Variants in ADAMTS12 observed in about 807,000 individuals in gnomAD.
ADAMTS12 encodes the protein A disintegrin and metalloproteinase with thrombospondin motifs 12.
In ADAMTS12, 118 loss-of-function variants were observed where a neutral mutation model predicts 167.8. The ratio of observed to expected loss-of-function variants is 0.70; its 90% CI spans 0.61 to 0.82. The LOEUF is 0.82. Ranked by LOEUF, ADAMTS12 falls within the 40% of genes least tolerant of loss-of-function variation. The probability of loss-of-function intolerance (pLI) is 0.00; values close to 1 mark genes in which losing one functional copy is unlikely to be tolerated. For missense variants in ADAMTS12, 1,916 were observed against 1,998.8 expected, an observed-to-expected ratio of 0.96 and a Z score of 0.79; for synonymous variants, 704 against 716.9, an observed-to-expected ratio of 0.98 and a Z score of 0.29.
rs1740256688 is a variant in ADAMTS12, at chr5:33,637,639, C to T, written c.1826G>A (p.Ser609Asn). The change falls in exon 12 of 24, where the codon AGT (serine) becomes AAT (asparagine). Residue 609 changes from serine (S) to asparagine (N), a missense_variant. Transcript: ENST00000504830. The stretch of plus-strand genomic sequence containing the variant: ...CTTGTAGGGAACAGTGTCAAATTCA[C>T]TGCACTGCATCTGCCGAAATGTTGG... ...EAPTFRQMQC[S>N]EFDTVPYKNE... 6.2e-7 allele frequency: 1 copy of T among 1,613,636 alleles called. No individual in the cohort carries two copies. The highest frequency in any genetic ancestry group is 8.5e-7 in the Non-Finnish European group (1 of 1,179,734).
At chr5:33,729,472 G>A (rs765395417) in intron 3 of ADAMTS12, among the ~76,000 whole-genome samples, 3 of 152,172 alleles carry the variant, frequency 2.0e-5, no homozygotes, top group Non-Finnish European at 4.4e-5. Context: ...CCCAAATTAA[G>A]TCTCCTTCCC....
At chr5:33,888,945 T>G (rs1484895085) in intron 1 of ADAMTS12, among the ~76,000 whole-genome samples, 1 of 152,222 alleles carries the variant, frequency 6.6e-6, no homozygotes, top group African/African-American at 2.4e-5. Flanking sequence ...TGGATTTATC[T>G]CCATACTCCT....
intron 2 of ADAMTS12, among the ~76,000 whole-genome samples, chr5:33,777,462 A>T (rs936199663): frequency 1.4e-5 from 2 of 146,374 alleles, no homozygotes; most frequent in East Asian, 4.2e-4. Context: ...CAGAAAGAGC[A>T]TTTGAAAATA....
At chr5:33,766,672 AG>A (rs1745546761) in intron 2 of ADAMTS12, among the ~76,000 whole-genome samples, 1 of 152,220 alleles carries the variant, frequency 6.6e-6, no homozygotes, top group Non-Finnish European at 1.5e-5. Context: ...AAATTTTAAA[AG>A]TGTACTTTTA....
chr5:33,807,755 T>G (rs2112482088), intron 2 of ADAMTS12, among the ~76,000 whole-genome samples: 1 of 152,298 alleles, frequency 6.6e-6, no homozygotes, highest in South Asian at 2.1e-4. Context: ...CATACATACC[T>G]GGGCAAGCGC....
chr5:33,534,134 G>A (rs886663115), intron 23 of ADAMTS12, among the ~76,000 whole-genome samples: 3 of 152,204 alleles, frequency 2.0e-5, no homozygotes, highest in African/African-American at 7.2e-5. Context: ...AGAGCCTCCT[G>A]TAAATTCACT....
At position 33,619,227 on chromosome 5, in the gene ADAMTS12, C is replaced by T. The variant is rs75531352; in HGVS notation, c.2144-3155G>A. ...TTGTCCAGGCCTTCTCCTTGTACAACCAAAAGACTGGCAGCTTGTGTTTAT... is the reference window on the plus strand; with the variant it reads ...TTGTCCAGGCCTTCTCCTTGTACAATCAAAAGACTGGCAGCTTGTGTTTAT... On this transcript the variant is annotated intron_variant, in intron 14 of 23. Coordinates refer to ENST00000504830, the MANE Select transcript of ADAMTS12 (RefSeq NM_030955.4). 6.6e-3 allele frequency among the ~76,000 whole-genome samples: 1,006 copies of T among 152,304 alleles called. 7 individuals carry two copies. Among genetic ancestry groups the T allele is most frequent in the African/African-American group, 0.024 (978 of 41,546 alleles).
chr5:33,524,156 A>G lies in ADAMTS12; in HGVS notation c.*3032T>C, dbSNP rs532266991. Reference sequence around the variant, plus strand: ...AGACGTGGCTGTCTCAGGAGATTGGACGGAGGTGTGCTCTTCTTTAAGAAA... The same window carrying G: ...AGACGTGGCTGTCTCAGGAGATTGGGCGGAGGTGTGCTCTTCTTTAAGAAA... On this transcript the variant is annotated 3_prime_UTR_variant, in exon 24 of 24. Coordinates refer to ENST00000504830, the MANE Select transcript of ADAMTS12 (RefSeq NM_030955.4). The G allele has an allele frequency of 2.6e-4, 40 of 152,448 alleles. No individual in the cohort carries two copies. The highest frequency in any genetic ancestry group is 9.4e-4 in the African/African-American group (39 of 41,576). 9.4% of individuals were successfully genotyped at this position (152,448 alleles called of 1,614,324 possible). A position where few individuals can be genotyped will look rare whatever the true frequency, so the allele number is the denominator to read the frequency against.
chr5:33,686,043 T>C (rs1742312372), intron 3 of ADAMTS12, among the ~76,000 whole-genome samples: 1 of 152,158 alleles, frequency 6.6e-6, no homozygotes, highest in African/African-American at 2.4e-5. Context: ...TCAACATGGA[T>C]TCGGTCTCAT....
rs1056080041 is a variant in ADAMTS12 at position 33,643,458 on chromosome 5, T to C, written c.1492A>G (p.Thr498Ala). 10 of 1,613,996 alleles carry C rather than the reference T, an allele frequency of 6.2e-6. No individual in the cohort carries two copies. In the African/African-American group the frequency reaches 8.0e-5, roughly 13 times the overall value. ...AAGCCCTTCACGGAGCACCACAGTG[T>C]CTGGCAGACGTTCTAGAAAACAAAT... ...FCQEVENVCQTLWCSVKGFCR... is the reference protein window; with the variant it reads ...FCQEVENVCQALWCSVKGFCR... The change falls in exon 10 of 24, where the codon ACA (threonine) becomes GCA (alanine). Residue 498 changes from threonine to alanine, a missense_variant. Coordinates refer to ENST00000504830, the MANE Select transcript of ADAMTS12 (RefSeq NM_030955.4).
chr5:33,747,308 G>A (rs1744824387), intron 3 of ADAMTS12, among the ~76,000 whole-genome samples: 1 of 152,090 alleles, frequency 6.6e-6, no homozygotes, highest in African/African-American at 2.4e-5. Context: ...AGGGCCCATA[G>A]ATTAGGGCCC....
intron 3 of ADAMTS12, among the ~76,000 whole-genome samples, chr5:33,749,416 GA>G (rs2112387130): frequency 6.6e-6 from 1 of 152,246 alleles, no homozygotes; most frequent in South Asian, 2.1e-4. Flanking sequence ...TCTCTTTGGT[GA>G]AAGAAGGAAG....
At chr5:33,676,161 A>G (rs1324416488) in intron 5 of ADAMTS12, among the ~76,000 whole-genome samples, 2 of 152,228 alleles carry the variant, frequency 1.3e-5, no homozygotes, top group Admixed American at 1.3e-4. Context: ...AAGCTGACCT[A>G]GAAGAAATCA....
At chr5:33,832,557 T>C (rs1748339748) in intron 2 of ADAMTS12, among the ~76,000 whole-genome samples, 1 of 152,238 alleles carries the variant, frequency 6.6e-6, no homozygotes, top group South Asian at 2.1e-4. Context: ...AATGTGCAAG[T>C]AAATGTGTTA....
At position 33,881,192 on chromosome 5, in the gene ADAMTS12, C is replaced by A; in HGVS notation, c.416G>T (p.Cys139Phe). 1.9e-6 allele frequency: 3 copies of A among 1,614,120 alleles called. No homozygotes were observed. Among genetic ancestry groups the A allele is most frequent in the Non-Finnish European group, 2.5e-6 (3 of 1,180,024 alleles). ...VKMMASSAPL[C>F]HLSGTVLQQG... ...CTGTAGAACCGTGCCACTGAGATGG[C>A]AGAGGGGGGCAGAGGAAGCCATCAT... Residue 139 changes from cysteine to phenylalanine, a missense_variant, in exon 2 of 24, where the codon TGC becomes TTC. Physicochemically the swap from Cys to Phe is radical, Grantham distance 205. Transcript: ENST00000504830.
rs141975031 is a variant in ADAMTS12, at chr5:33,553,092, C to T, written c.4126-3709G>A. Among the ~76,000 whole-genome samples, 516 of 152,120 alleles carry T rather than the reference C, an allele frequency of 3.4e-3. 6 individuals are homozygous for T. The highest frequency in any genetic ancestry group is 0.011 in the African/African-American group (465 of 41,498). ...CACTTTTCAAAAAAAGACATACACGCGGTCAACAATCACATGAAAAAAAGC... is the reference window on the plus strand; with the variant it reads ...CACTTTTCAAAAAAAGACATACACGTGGTCAACAATCACATGAAAAAAAGC... On this transcript the variant is annotated intron_variant, in intron 20 of 23. Coordinates refer to ENST00000504830, the MANE Select transcript of ADAMTS12 (RefSeq NM_030955.4).
chr5:33,700,883 A>G (rs1437248686), intron 3 of ADAMTS12, among the ~76,000 whole-genome samples: 2 of 152,232 alleles, frequency 1.3e-5, no homozygotes, highest in African/African-American at 4.8e-5. Context: ...TTTAAAAAGT[A>G]TATGTCTAGG....
At chr5:33,734,242 C>T in intron 3 of ADAMTS12, among the ~76,000 whole-genome samples, 1 of 152,196 alleles carries the variant, frequency 6.6e-6, no homozygotes. Context: ...CCCACTCTGC[C>T]TCTCAGGAGA....
At chr5:33,868,099 C>T (rs975725532) in intron 2 of ADAMTS12, among the ~76,000 whole-genome samples, 4 of 152,156 alleles carry the variant, frequency 2.6e-5, no homozygotes, top group African/African-American at 7.2e-5. Flanking sequence ...CCCAGCCATG[C>T]TTCCTGTACA....
Sources: allele counts gnomAD v4.1 joint callset (sites outside exome capture counted in the v4.1 genomes callset), GRCh38; gene constraint gnomAD v4.1.1; transcripts MANE v1.5; gene names NCBI Gene and HGNC (gene_info 2026-07-23, HGNC 2026-07-21).